RANBP2: variants seen among roughly 807,000 people sequenced by gnomAD.
RANBP2 encodes the protein E3 SUMO-protein ligase RanBP2.
In RANBP2, 57 loss-of-function variants were observed where a neutral mutation model predicts 303.6. That is an observed-to-expected ratio of 0.19 (90% CI 0.15 to 0.23). The LOEUF (loss-of-function observed/expected upper bound fraction) is 0.23. RANBP2 is among the 10% of genes least tolerant of loss of function. RANBP2 has a pLI of 1.00. For missense variants in RANBP2, 3,138 were observed against 3,780.8 expected (o/e 0.83, Z 4.46); for synonymous variants, 1,167 against 1,301.5 (o/e 0.90, Z 2.23).
At chr2:109,615,925 C>A in the RANBP2 span, 15 of 1,606,836 alleles carry the variant, frequency 9.3e-6, no homozygotes, top group Non-Finnish European at 1.2e-5. Context: ...CGATTCAGAA[C>A]CCAGATCGTC....
the RANBP2 span, among the ~76,000 whole-genome samples, chr2:108,924,014 C>T: frequency 1.2e-3 from 181 of 152,358 alleles, no homozygotes; most frequent in Admixed American, 4.6e-3. Flanking sequence ...ATGCAGGTGG[C>T]CCTCATGATA....
chr2:108,968,829 G>A, the RANBP2 span, among the ~76,000 whole-genome samples: 8 of 152,198 alleles, frequency 5.3e-5, no homozygotes, highest in Non-Finnish European at 8.8e-5. Context: ...CTCCAGGGGC[G>A]TGTACCTGAG....
the RANBP2 span, among the ~76,000 whole-genome samples, chr2:109,176,701 C>T: frequency 2.0e-5 from 3 of 152,120 alleles, no homozygotes; most frequent in African/African-American, 7.2e-5. Context: ...GGTGTCACCG[C>T]ACTCTAGCCT....
At chr2:109,514,515 C>A in the RANBP2 span, among the ~76,000 whole-genome samples, 1 of 152,196 alleles carries the variant, frequency 6.6e-6, no homozygotes, top group Non-Finnish European at 1.5e-5. Flanking sequence ...TGTGTTGGAA[C>A]CAGCCTGTGT....
the RANBP2 span, among the ~76,000 whole-genome samples, chr2:109,275,707 C>T: frequency 6.6e-6 from 1 of 152,202 alleles, no homozygotes; most frequent in Non-Finnish European, 1.5e-5. Context: ...AGGTTCATTC[C>T]TCATCTCGCT....
At chr2:109,150,608 T>C in the RANBP2 span, among the ~76,000 whole-genome samples, 2 of 152,112 alleles carry the variant, frequency 1.3e-5, no homozygotes, top group Non-Finnish European at 2.9e-5. Context: ...AGAAGTTGAG[T>C]AGCTTGTCAC....
the RANBP2 span, among the ~76,000 whole-genome samples, chr2:109,550,741 T>C: frequency 8.5e-4 from 129 of 152,348 alleles, 1 homozygote; most frequent in African/African-American, 2.9e-3. Flanking sequence ...GCCCAGTCTT[T>C]GTGTTCACTT....
the RANBP2 span, among the ~76,000 whole-genome samples, chr2:109,355,248 T>C: frequency 2.6e-5 from 4 of 152,356 alleles, no homozygotes; most frequent in South Asian, 4.1e-4. Flanking sequence ...AGAGAAATTA[T>C]GTTGTGGAAA....
the RANBP2 span, among the ~76,000 whole-genome samples, chr2:109,225,130 C>T: frequency 1.3e-5 from 2 of 152,016 alleles, no homozygotes; most frequent in Admixed American, 6.5e-5. Flanking sequence ...CCTTAAATTC[C>T]CTGGCCTCAG....
At chr2:109,123,368 T>TTCCA in the RANBP2 span, among the ~76,000 whole-genome samples, 1 of 110,840 alleles carries the variant, frequency 9.0e-6, no homozygotes, top group Non-Finnish European at 2.0e-5. Context: ...CCTTCCTTCC[T>TTCCA]TCCATCCTTC....
Position 108,764,597 on chromosome 2 carries a change from G to C in RANBP2, c.4058G>C (p.Gly1353Ala), listed in dbSNP as rs1676978801. The C allele has an allele frequency of 1.2e-6, 2 of 1,614,004 alleles. No homozygotes were observed. Among genetic ancestry groups the C allele is most frequent in the East Asian group, 4.5e-5 (2 of 44,876 alleles). ...GAATTTCAGGTTGCAAAGAAAGAAG[G>C]GTCTTGGTGGCATTGTAACAGCTGC... ...NFEFQVAKKE[G>A]SWWHCNSCSL... The change falls in exon 20 of 29, where the codon GGG (glycine) becomes GCG (alanine). Residue 1353 changes from glycine (G) to alanine (A), a missense_variant. By Grantham distance (60) the Gly-to-Ala change is moderately conservative (BLOSUM62 0). Transcript: ENST00000283195.
the RANBP2 span, among the ~76,000 whole-genome samples, chr2:108,944,166 T>C: frequency 6.6e-6 from 1 of 152,152 alleles, no homozygotes; most frequent in Non-Finnish European, 1.5e-5. Flanking sequence ...CAGGCTGGAG[T>C]GCAGTGGCAC....
At chr2:109,623,325 T>C in the RANBP2 span, among the ~76,000 whole-genome samples, 3 of 152,162 alleles carry the variant, frequency 2.0e-5, no homozygotes, top group African/African-American at 7.2e-5. Flanking sequence ...CATGTCCCTC[T>C]CTGGTGCACC....
the RANBP2 span, among the ~76,000 whole-genome samples, chr2:109,562,547 G>C: frequency 1.3e-5 from 2 of 152,142 alleles, no homozygotes; most frequent in African/African-American, 4.8e-5. Flanking sequence ...TCTGACTGCA[G>C]ATTTCTAGGC....
chr2:109,277,525 A>C, the RANBP2 span, among the ~76,000 whole-genome samples: 2 of 152,174 alleles, frequency 1.3e-5, no homozygotes, highest in Non-Finnish European at 2.9e-5. Flanking sequence ...TGGAATACCA[A>C]GTGACAGGCG....
At chr2:108,734,170 A>G (rs1695387007) in intron 4 of RANBP2, among the ~76,000 whole-genome samples, 1 of 151,584 alleles carries the variant, frequency 6.6e-6, no homozygotes, top group Admixed American at 6.6e-5. Context: ...CAGAGTAGTA[A>G]TGGGCGGCTT....
chr2:109,486,872 G>T, the RANBP2 span, among the ~76,000 whole-genome samples: 3 of 152,142 alleles, frequency 2.0e-5, no homozygotes, highest in Non-Finnish European at 2.9e-5. Flanking sequence ...TCTGTCTCCC[G>T]CCCAGGCCAG....
the RANBP2 span, among the ~76,000 whole-genome samples, chr2:109,369,210 T>C: frequency 7.0e-6 from 1 of 142,770 alleles, no homozygotes; most frequent in South Asian, 2.3e-4. Flanking sequence ...TAGCCGGGAG[T>C]GGTGGTGAGC....
At chr2:109,276,192 A>G in the RANBP2 span, among the ~76,000 whole-genome samples, 1 of 152,228 alleles carries the variant, frequency 6.6e-6, no homozygotes, top group East Asian at 1.9e-4. Context: ...AGAAAACACC[A>G]GCGTTCTCCC....
Sources: gnomAD v4.1 joint callset for allele counts (sites outside exome capture counted in the v4.1 genomes callset) on GRCh38, gnomAD v4.1.1 for gene constraint, MANE v1.5 for transcripts, NCBI Gene and HGNC (gene_info 2026-07-23, HGNC 2026-07-21) for gene names.